Variants in TRMT9B observed in about 807,000 individuals in gnomAD.
TRMT9B encodes the protein probable tRNA methyltransferase 9B.
Under a neutral mutation model 11.5 loss-of-function variants are expected in TRMT9B, and 16 were observed. The ratio of observed to expected loss-of-function variants is 1.39; its 90% CI spans 0.94 to 2.11. The LOEUF (loss-of-function observed/expected upper bound fraction) is 2.11. Ranked by LOEUF, TRMT9B falls within the 30% of genes most tolerant of loss-of-function variation. The pLI is 0.00. For synonymous variants in TRMT9B, 274 were observed against 192.4 expected (o/e 1.42, Z -3.51); for missense variants, 941 against 553.8 (o/e 1.70, Z -7.02).
At chr8:13,012,967 AT>A in intron 4 of TRMT9B, 110 bp downstream of exon 4, 1 of 1,267,452 alleles carries the variant, frequency 7.9e-7, no homozygotes, top group Non-Finnish European at 1.0e-6. Flanking sequence ...AATGTAATTT[AT>A]TTTATCTAAT....
In TRMT9B at chr8:13,025,929, A is replaced by G. The variant is rs901836645; in HGVS notation, c.*3885A>G. The G allele has an allele frequency of 1.2e-5, 2 of 166,986 alleles. No individual in the cohort carries two copies. Among genetic ancestry groups the G allele is most frequent in the Non-Finnish European group, 2.9e-5 (2 of 68,122 alleles). The allele number at this position is 166,986 out of a possible 1,614,324, so 10.3% of individuals were successfully genotyped here. On this transcript the variant is annotated 3_prime_UTR_variant, in exon 5 of 5. Transcript: ENST00000524591. The stretch of plus-strand genomic sequence containing the variant: ...TTTGGAGTAATCCAGAGAAAAAACC[A>G]TCCAAATATAAACCAGCTAGGAACA...
chr8:12,946,568 G>T (rs1161921731), intron 1 of TRMT9B, among the ~76,000 whole-genome samples: 3 of 152,198 alleles, frequency 2.0e-5, no homozygotes, highest in Non-Finnish European at 2.9e-5. Flanking sequence ...TGTCACCCTG[G>T]TGGAGATGTC....
At chr8:12,952,126 C>T (rs1355991373) in intron 1 of TRMT9B, 1 of 445,342 alleles carries the variant, frequency 2.2e-6, no homozygotes, top group South Asian at 1.6e-5. Context: ...GCTTTTGCCC[C>T]TGGCTGCGGG....
chr8:12,994,618 C>T (rs550763102), intron 2 of TRMT9B, among the ~76,000 whole-genome samples: 1 of 152,310 alleles, frequency 6.6e-6, no homozygotes, highest in East Asian at 1.9e-4. Flanking sequence ...GGCTTGTCCA[C>T]CTTTGGGGAA....
intron 1 of TRMT9B, among the ~76,000 whole-genome samples, chr8:12,975,348 G>C (rs1804278337): frequency 6.6e-6 from 1 of 151,946 alleles, no homozygotes; most frequent in Non-Finnish European, 1.5e-5. Flanking sequence ...TGTAATTGTT[G>C]AACATATATA....
rs1437130084 is a variant in TRMT9B, at chr8:13,022,039, G to A, written c.1360G>A (p.Asp454Asn). Residue 454 changes from aspartate (D) to asparagine (N), a missense_variant, in exon 5 of 5, where the codon GAT (aspartate) becomes AAT (asparagine). By Grantham distance (23) the Asp-to-Asn change is conservative. Transcript: ENST00000524591. Reference protein sequence around the residue: ...CIIAEKKRGCD With the variant: ...CIIAEKKRGCN ...CATTGCAGAGAAAAAGAGAGGTTGT[G>A]ATTGATTGGATCCTTTTAGACAACT... 1 of 1,570,450 alleles carries A rather than the reference G, an allele frequency of 6.4e-7. No individual in the cohort carries two copies. The highest frequency in any genetic ancestry group is 1.9e-5 in the Admixed American group (1 of 53,088).
intron 1 of TRMT9B, among the ~76,000 whole-genome samples, chr8:12,985,944 T>C (rs1011728750): frequency 1.3e-5 from 2 of 152,130 alleles, no homozygotes; most frequent in Non-Finnish European, 2.9e-5. Context: ...CACTGCAACC[T>C]CCGCCTCCCA....
chr8:13,022,727 C>T lies in TRMT9B; in HGVS notation c.*683C>T, dbSNP rs1197764295. ...CACTGTTAGGCTGAGCATGGTGGCT[C>T]ATGCCTGTAATCCCAGCACTTTGGG... On this transcript the variant is annotated 3_prime_UTR_variant, in exon 5 of 5. Transcript: ENST00000524591. 2 of 167,132 alleles carry T rather than the reference C, an allele frequency of 1.2e-5. No homozygotes were observed. Among genetic ancestry groups the T allele is most frequent in the Admixed American group, 1.3e-4 (2 of 15,294 alleles). 10.4% of individuals were successfully genotyped at this position (167,132 alleles called of 1,614,324 possible).
At chr8:12,974,113 G>A (rs1477780956) in intron 1 of TRMT9B, among the ~76,000 whole-genome samples, 1 of 152,078 alleles carries the variant, frequency 6.6e-6, no homozygotes, top group Non-Finnish European at 1.5e-5. Context: ...CAAGGCTTCA[G>A]TGAGCCAAGA....
intron 3 of TRMT9B, 101 bp from the exon 4 acceptor site, chr8:13,012,583 T>C (rs1437566081): frequency 5.0e-6 from 7 of 1,395,950 alleles, no homozygotes; most frequent in Non-Finnish European, 5.7e-6. Context: ...TCAAAATAAA[T>C]AAATAAATAA....
chr8:12,999,080 C>A (rs948740351), intron 2 of TRMT9B, among the ~76,000 whole-genome samples: 1 of 152,008 alleles, frequency 6.6e-6, no homozygotes, highest in Admixed American at 6.6e-5. Flanking sequence ...GCAGGTGGAT[C>A]ATGAGGTCAG....
chr8:12,996,985 ATTTTAT>A (rs906566396), intron 2 of TRMT9B, among the ~76,000 whole-genome samples: 2 of 71,112 alleles, frequency 2.8e-5, no homozygotes, highest in African/African-American at 1.2e-4. Context: ...ATTTTATTTT[ATTTTAT>A]TTTATTTTAT....
intron 1 of TRMT9B, among the ~76,000 whole-genome samples, chr8:12,977,246 G>A (rs1804597733): frequency 6.6e-6 from 1 of 152,160 alleles, no homozygotes; most frequent in African/African-American, 2.4e-5. Context: ...ACTAATGCTG[G>A]TCGATGGAGC....
intron 2 of TRMT9B, among the ~76,000 whole-genome samples, chr8:12,992,096 T>C (rs914112664): frequency 2.0e-5 from 3 of 152,200 alleles, no homozygotes; most frequent in Non-Finnish European, 4.4e-5. Flanking sequence ...AGTAAAGTAT[T>C]GTTGTTTTGC....
At chr8:13,004,573 C>CT (rs1261507110) in intron 2 of TRMT9B, among the ~76,000 whole-genome samples, 1 of 152,060 alleles carries the variant, frequency 6.6e-6, no homozygotes, top group East Asian at 1.9e-4. Context: ...GGCCAGAAGG[C>CT]AACCTGCTGT....
intron 2 of TRMT9B, among the ~76,000 whole-genome samples, chr8:12,996,841 C>G (rs1211106244): frequency 6.6e-6 from 1 of 152,206 alleles, no homozygotes; most frequent in Non-Finnish European, 1.5e-5. Context: ...CCAGGACCAC[C>G]TCCCAACCCC....
chr8:12,984,168 ATGTATATAAGGT>A (rs1805875509), intron 1 of TRMT9B, among the ~76,000 whole-genome samples: 1 of 152,194 alleles, frequency 6.6e-6, no homozygotes, highest in African/African-American at 2.4e-5. Flanking sequence ...CCCTCAGGCT[ATGTATATAAGGT>A]ATTATGAAAC....
In TRMT9B at chr8:13,017,225, GA is replaced by G. The variant is rs377423764; in HGVS notation, c.329-3782del. ...CAGATTCTGAATGCTGAAGTTTAGA[GA>G]GGCGAGGCATGTACACTTGAAAAGT... On this transcript the variant is annotated intron_variant, in intron 4 of 4. Coordinates refer to ENST00000524591, the MANE Select transcript of TRMT9B (RefSeq NM_020844.3). Among the ~76,000 whole-genome samples, 737 of 152,308 alleles carry G rather than the reference GA, an allele frequency of 4.8e-3. 5 individuals are homozygous for G. The highest frequency in any genetic ancestry group is 0.021 in the South Asian group (99 of 4,818).
intron 1 of TRMT9B, among the ~76,000 whole-genome samples, chr8:12,966,770 AG>A (rs1472741225): frequency 6.6e-6 from 1 of 152,186 alleles, no homozygotes; most frequent in Non-Finnish European, 1.5e-5. Flanking sequence ...GCATAGGGTT[AG>A]GGGAACCATC....
Sources: allele counts gnomAD v4.1 joint callset (sites outside exome capture counted in the v4.1 genomes callset), GRCh38; gene constraint gnomAD v4.1.1; transcripts MANE v1.5; gene names NCBI Gene and HGNC (gene_info 2026-07-23, HGNC 2026-07-21).